ZC3H14: variants seen among roughly 807,000 people sequenced by gnomAD.
The protein encoded by ZC3H14 is zinc finger CCCH-type containing 14, also known as zinc finger CCCH domain-containing protein 14.
Under a neutral mutation model 92.4 loss-of-function variants are expected in ZC3H14, and 31 were observed. That is an observed-to-expected ratio of 0.34 (90% CI 0.25 to 0.45). The LOEUF (loss-of-function observed/expected upper bound fraction) is 0.45, where lower values mean the gene tolerates loss of function less well. ZC3H14 is among the 20% of genes least tolerant of loss of function. The pLI is 1.00. For synonymous variants in ZC3H14, 321 were observed against 300.9 expected, an observed-to-expected ratio of 1.07 and a Z score of -0.69; for missense variants, 781 against 897.3, an observed-to-expected ratio of 0.87 and a Z score of 1.66.
intron 10 of ZC3H14, among the ~76,000 whole-genome samples, chr14:88,600,383 A>G (rs889703918): frequency 6.6e-6 from 1 of 151,980 alleles, no homozygotes; most frequent in African/African-American, 2.4e-5. Flanking sequence ...CTGTTTTTCT[A>G]AAAACCAGTT....
At chr14:88,571,964 A>AAAAT (rs748264552) in intron 4 of ZC3H14, 66 bp from the exon 5 acceptor site, 8 of 1,298,892 alleles carry the variant, frequency 6.2e-6, no homozygotes, top group African/African-American at 6.1e-5. Flanking sequence ...CTCCATCTCA[A>AAAAT]AAATAAATAA....
chr14:88,563,874 C>G (rs1349460429), intron 2 of ZC3H14, among the ~76,000 whole-genome samples, 181 bp downstream of exon 2: 1 of 151,946 alleles, frequency 6.6e-6, no homozygotes, highest in Non-Finnish European at 1.5e-5. Flanking sequence ...TTTTTTTCTC[C>G]CAAACCTCCT....
chr14:88,606,260 A>C (rs542496483), intron 12 of ZC3H14, among the ~76,000 whole-genome samples: 44 of 152,304 alleles, frequency 2.9e-4, no homozygotes, highest in Non-Finnish European at 4.3e-4. Context: ...CAGGGGTCCC[A>C]CTTTGCCCTG....
At position 88,602,875 on chromosome 14, in the gene ZC3H14, C is replaced by T. The variant is rs748493425; in HGVS notation, c.1562C>T (p.Thr521Met). 1.1e-5 allele frequency: 17 copies of T among 1,614,092 alleles called. No individual in the cohort carries two copies. The highest frequency in any genetic ancestry group is 1.4e-5 in the Non-Finnish European group (16 of 1,180,022). The change falls in exon 12 of 17, where the codon ACG (threonine) becomes ATG (methionine). Residue 521 changes from threonine (T) to methionine (M), a missense_variant. Around this residue, in one of 3 missense-constraint regions of ZC3H14, gnomAD observed 221 missense variants for 304.7 expected, o/e 0.73. Transcript: ENST00000251038. ...DKPASPKFIV[T>M]LDGVPSPPGY... ...CCTGCAAGTCCCAAGTTTATAGTGA[C>T]GCTGGATGGTGTCCCCAGCCCCCCA...
At chr14:88,586,193 A>G (rs1318249067) in intron 9 of ZC3H14, among the ~76,000 whole-genome samples, 2 of 152,192 alleles carry the variant, frequency 1.3e-5, no homozygotes, top group African/African-American at 4.8e-5. Flanking sequence ...AATAAAATAC[A>G]CAAGTTGGAC....
Position 88,622,832 on chromosome 14 carries a change from T to C in ZC3H14, c.*11081T>C, listed in dbSNP as rs2089254568. ...TTTTTTTTTAAAAAGGCCCTGATAT[T>C]TATAATTTACCTCTAATATTCTTGT... is the stretch of plus-strand genomic sequence containing the variant. On this transcript the variant is annotated 3_prime_UTR_variant, in exon 17 of 17. Coordinates refer to ENST00000251038, the MANE Select transcript of ZC3H14 (RefSeq NM_024824.5). The C allele has an allele frequency of 3.5e-6, 2 of 575,254 alleles. No homozygotes were observed. Among genetic ancestry groups the C allele is most frequent in the Admixed American group, 4.1e-5 (1 of 24,324 alleles). The allele number at this position is 575,254 out of a possible 1,614,324, so 35.6% of individuals were successfully genotyped here.
chr14:88,563,475 G>C, intron 1 of ZC3H14, 176 bp from the exon 2 acceptor site: 1 of 1,483,704 alleles, frequency 6.7e-7, no homozygotes. Flanking sequence ...GCGGGGCTGG[G>C]GCTGGAGCTG....
chr14:88,621,128 C>T lies in ZC3H14; in HGVS notation c.*9377C>T, dbSNP rs1299996001. 6.2e-7 allele frequency: 1 copy of T among 1,613,548 alleles called. No homozygotes were observed. Among genetic ancestry groups the T allele is most frequent in the Non-Finnish European group, 8.5e-7 (1 of 1,179,808 alleles). On this transcript the variant is annotated 3_prime_UTR_variant, in exon 17 of 17. Coordinates refer to ENST00000251038, the MANE Select transcript of ZC3H14 (RefSeq NM_024824.5). Reference sequence around the variant, plus strand: ...CTGTACTTACTTTATCAGCAATATCCCAAAGTCTCACTGTCCCATCTTCTG... The same window carrying T: ...CTGTACTTACTTTATCAGCAATATCTCAAAGTCTCACTGTCCCATCTTCTG...
rs1202453051 is a variant in ZC3H14, at chr14:88,613,533, A to G, written c.*1782A>G. 6.6e-6 allele frequency: 1 copy of G among 152,202 alleles called. No individual in the cohort carries two copies. The highest frequency in any genetic ancestry group is 1.5e-5 in the Non-Finnish European group (1 of 68,026). The allele number at this position is 152,202 out of a possible 1,614,324, so 9.4% of individuals were successfully genotyped here. ...GATTGTTTTTTGCTATTTAATAGCC[A>G]CTGCCCAGACACATATTTAAGAGTT... On this transcript the variant is annotated 3_prime_UTR_variant, in exon 17 of 17. Transcript: ENST00000251038.
chr14:88,571,678 A>C (rs923362217), intron 4 of ZC3H14, among the ~76,000 whole-genome samples: 2 of 152,168 alleles, frequency 1.3e-5, no homozygotes. Flanking sequence ...ATAAAAATAG[A>C]TGGCCGGGCA....
intron 2 of ZC3H14, among the ~76,000 whole-genome samples, chr14:88,566,748 G>A (rs949492135): frequency 6.6e-6 from 1 of 151,924 alleles, no homozygotes; most frequent in Non-Finnish European, 1.5e-5. Context: ...GCTGAAACCT[G>A]GTGTCTACTA....
chr14:88,586,895 C>CT (rs2082535667), intron 9 of ZC3H14, among the ~76,000 whole-genome samples: 1 of 152,290 alleles, frequency 6.6e-6, no homozygotes, highest in East Asian at 1.9e-4. Flanking sequence ...GAATCCCCCA[C>CT]TTTTAAATGC....
At chr14:88,583,762 A>G (rs1289206336) in intron 9 of ZC3H14, among the ~76,000 whole-genome samples, 1 of 152,180 alleles carries the variant, frequency 6.6e-6, no homozygotes, top group Non-Finnish European at 1.5e-5. Context: ...TTCCACATGC[A>G]TTTTGGAAGA....
chr14:88,612,091 G>T lies in ZC3H14; in HGVS notation c.*340G>T. Reference sequence around the variant, plus strand: ...GTTAGTCATGGTACTGCAGCTTAGGGGGCTACACGGTTGCTGTGTGAGTGG... The same window carrying T: ...GTTAGTCATGGTACTGCAGCTTAGGTGGCTACACGGTTGCTGTGTGAGTGG... On this transcript the variant is annotated 3_prime_UTR_variant, in exon 17 of 17. Transcript: ENST00000251038. 1.0e-5 allele frequency: 3 copies of T among 297,172 alleles called. No homozygotes were observed. Among genetic ancestry groups the T allele is most frequent in the Admixed American group, 4.6e-5 (1 of 21,642 alleles). 18.4% of individuals were successfully genotyped at this position (297,172 alleles called of 1,614,324 possible). A position where few individuals can be genotyped will look rare whatever the true frequency, so the allele number is the denominator to read the frequency against.
Position 88,563,188 on chromosome 14 carries a change from G to T in ZC3H14, c.36+19G>T. 1 of 1,602,410 alleles carries T rather than the reference G, an allele frequency of 6.2e-7. No homozygotes were observed. The stretch of plus-strand genomic sequence containing the variant: ...GATCCGGGTGAGGCCCGTGCCGGTC[G>T]GGGGTGGGAAGCCAGGTCTCGGCGA... On this transcript the variant is annotated intron_variant, in intron 1 of 16. Transcript: ENST00000251038.
chr14:88,576,567 G>C lies in ZC3H14; in HGVS notation c.1123+627G>C, dbSNP rs59059672. On this transcript the variant is annotated intron_variant, in intron 8 of 16. Coordinates refer to ENST00000251038, the MANE Select transcript of ZC3H14 (RefSeq NM_024824.5). Reference sequence around the variant, plus strand: ...ATTCTGAAATGCAAACAACTGATGGGTGTCATTTTGTGTTGTCAAATTCTG... The same window carrying C: ...ATTCTGAAATGCAAACAACTGATGGCTGTCATTTTGTGTTGTCAAATTCTG... Among the ~76,000 whole-genome samples the C allele has an allele frequency of 5.0e-3, 758 of 152,294 alleles. 14 individuals are homozygous for C. The highest frequency in any genetic ancestry group is 0.018 in the African/African-American group (728 of 41,542).
intron 16 of ZC3H14, 74 bp downstream of exon 16, chr14:88,611,014 G>A: frequency 6.9e-7 from 1 of 1,454,742 alleles, no homozygotes; most frequent in East Asian, 2.3e-5. Flanking sequence ...AAATTTATAA[G>A]CACACAAAAT....
At chr14:88,593,478 C>T (rs949674329) in intron 9 of ZC3H14, among the ~76,000 whole-genome samples, 10 of 152,144 alleles carry the variant, frequency 6.6e-5, no homozygotes, top group African/African-American at 2.4e-4. Flanking sequence ...TCAAAACTTA[C>T]TACAAAGCTA....
intron 4 of ZC3H14, 55 bp from the exon 5 acceptor site, chr14:88,571,975 A>G: frequency 7.4e-7 from 1 of 1,350,642 alleles, no homozygotes; most frequent in Non-Finnish European, 9.9e-7. Context: ...AAATAAATAA[A>G]TAAATAAAAA....
Sources: gnomAD v4.1 joint callset for allele counts (sites outside exome capture counted in the v4.1 genomes callset) on GRCh38, gnomAD v4.1.1 for gene constraint, gnomAD v4.1.1 regional missense constraint, MANE v1.5 for transcripts, NCBI Gene and HGNC (gene_info 2026-07-23, HGNC 2026-07-21) for gene names.